The following DGKI variants were observed in gnomAD, a reference collection of about 807,000 sequenced individuals.
DGKI encodes DAG kinase iota.
A neutral mutation model predicts 147.5 loss-of-function variants in DGKI; 55 were observed. The observed-to-expected ratio is 0.37, with a 90% CI of 0.30 to 0.47. DGKI has a LOEUF of 0.47. Ranked by LOEUF, DGKI falls within the 20% of genes least tolerant of loss-of-function variation. The pLI is 1.00. For missense variants in DGKI, 1,007 were observed against 1,323.8 expected (o/e 0.76, Z 3.71); for synonymous variants, 469 against 477.1 (o/e 0.98, Z 0.22).
chr7:137,564,677 C>T (rs1348862455), intron 19 of DGKI, among the ~76,000 whole-genome samples: 1 of 152,200 alleles, frequency 6.6e-6, no homozygotes, highest in Non-Finnish European at 1.5e-5. Flanking sequence ...CTGTATAAAA[C>T]ATATATAATT....
intron 13 of DGKI, 78 bp downstream of exon 13, chr7:137,587,019 C>T (rs1237093880): frequency 9.3e-7 from 1 of 1,075,102 alleles, no homozygotes; most frequent in Non-Finnish European, 1.3e-6. Context: ...GTACCCCCCT[C>T]TTCCATTAGA....
intron 1 of DGKI, among the ~76,000 whole-genome samples, chr7:137,835,582 T>C (rs1798352886): frequency 6.6e-6 from 1 of 152,186 alleles, no homozygotes; most frequent in Non-Finnish European, 1.5e-5. Flanking sequence ...CTACCTGTTT[T>C]TTTTTCTTTT....
intron 20 of DGKI, among the ~76,000 whole-genome samples, chr7:137,525,470 A>T (rs1334860250): frequency 1.3e-5 from 2 of 152,294 alleles, no homozygotes; most frequent in Non-Finnish European, 2.9e-5. Flanking sequence ...ATCATTTGCA[A>T]CCCTGGTGTA....
intron 8 of DGKI, among the ~76,000 whole-genome samples, chr7:137,618,152 T>TATATATATATATATA (rs1554442534): frequency 1.4e-4 from 2 of 14,386 alleles, no homozygotes; most frequent in Non-Finnish European, 4.3e-4. Context: ...TATATATATA[T>TATATATATATATATA]TTTTTTTTTT....
chr7:137,396,787 C>T (rs1811570553), intron 31 of DGKI, among the ~76,000 whole-genome samples: 1 of 152,184 alleles, frequency 6.6e-6, no homozygotes, highest in Admixed American at 6.5e-5. Flanking sequence ...GTAGCTATTT[C>T]GCTACTTTAG....
intron 1 of DGKI, among the ~76,000 whole-genome samples, chr7:137,737,331 T>G (rs1350701330): frequency 4.6e-5 from 7 of 152,012 alleles, no homozygotes; most frequent in Admixed American, 4.6e-4. Flanking sequence ...AACAGCAAGT[T>G]TCCCTGGAAT....
At chr7:137,723,699 CTTTTTTTTTTTTT>C (rs769605042) in intron 1 of DGKI, among the ~76,000 whole-genome samples, 2 of 104,436 alleles carry the variant, frequency 1.9e-5, no homozygotes, top group Admixed American at 1.1e-4. Flanking sequence ...CATGATATCC[CTTTTTTTTTTTTT>C]TTTTTTTTTT....
intron 28 of DGKI, among the ~76,000 whole-genome samples, chr7:137,427,716 G>T (rs1812879201): frequency 6.6e-6 from 1 of 151,904 alleles, no homozygotes; most frequent in African/African-American, 2.4e-5. Flanking sequence ...TGATAAAGGG[G>T]ATATCACCAC....
Position 137,391,168 on chromosome 7 carries a change from G to A in DGKI, c.*52C>T. On this transcript the variant is annotated 3_prime_UTR_variant, in exon 33 of 33. Coordinates refer to ENST00000614521, the MANE Select transcript of DGKI (RefSeq NM_001321708.2). ...TTCCAGGGGAGCTGCCCAATTGCAG[G>A]GAGGGCAGATGTGATACGCTTGCTC... 1 of 1,337,840 alleles carries A rather than the reference G, an allele frequency of 7.5e-7. No individual in the cohort carries two copies. Among genetic ancestry groups the A allele is most frequent in the Non-Finnish European group, 1.1e-6 (1 of 929,412 alleles). 82.9% of individuals were successfully genotyped at this position (1,337,840 alleles called of 1,614,324 possible).
intron 17 of DGKI, among the ~76,000 whole-genome samples, chr7:137,573,779 T>C (rs1173170027): frequency 6.6e-6 from 1 of 152,240 alleles, no homozygotes; most frequent in Non-Finnish European, 1.5e-5. Context: ...TCAGCCTAGC[T>C]TGGCCTCAAC....
At chr7:137,649,068 G>T (rs1461819162) in intron 5 of DGKI, among the ~76,000 whole-genome samples, 1 of 151,998 alleles carries the variant, frequency 6.6e-6, no homozygotes, top group Non-Finnish European at 1.5e-5. Flanking sequence ...TTCTTTTTAG[G>T]CCCAATATAA....
intron 27 of DGKI, among the ~76,000 whole-genome samples, chr7:137,447,345 A>C (rs2059385): frequency 0.023 from 3,432 of 152,338 alleles, 107 homozygotes; most frequent in South Asian, 0.15. Flanking sequence ...GTGAAAAAGA[A>C]AAATATGTAA....
chr7:137,769,117 C>T (rs151248993), intron 1 of DGKI, among the ~76,000 whole-genome samples: 116 of 152,252 alleles, frequency 7.6e-4, no homozygotes, highest in African/African-American at 2.6e-3. Flanking sequence ...ATTCTGATTA[C>T]GGAGCCCTAC....
At chr7:137,592,992 G>A (rs1316932649) in intron 12 of DGKI, among the ~76,000 whole-genome samples, 1 of 152,192 alleles carries the variant, frequency 6.6e-6, no homozygotes, top group East Asian at 1.9e-4. Context: ...TAGGATGAGG[G>A]ATTGTCCCTA....
chr7:137,552,390 G>A lies in DGKI; in HGVS notation c.2126C>T (p.Thr709Ile), dbSNP rs1818076259. ...ANMVQKSKRR[T>I]SMPLLNDPQS... ...TCACTCATTGAGTAAAGGCATGGAT[G>A]TTCTCCTCTTGCTCTTCTGTACCAT... is the stretch of plus-strand genomic sequence containing the variant. The change falls in exon 20 of 33, where the codon ACA becomes ATA. Residue 709 changes from threonine (T) to isoleucine (I), a missense_variant. Thr to Ile is a moderately conservative substitution (Grantham distance 89, BLOSUM62 -1). This residue lies in a region of DGKI where 385 missense variants were observed against 445.2 expected (regional missense o/e 0.86). Coordinates refer to ENST00000614521, the MANE Select transcript of DGKI (RefSeq NM_001321708.2). The A allele has an allele frequency of 1.2e-6, 2 of 1,613,440 alleles. No homozygotes were observed. The highest frequency in any genetic ancestry group is 1.7e-6 in the Non-Finnish European group (2 of 1,180,034).
chr7:137,690,887 T>C (rs1823580039), intron 1 of DGKI, among the ~76,000 whole-genome samples: 1 of 152,166 alleles, frequency 6.6e-6, no homozygotes, highest in Non-Finnish European at 1.5e-5. Flanking sequence ...TAGGGAGATC[T>C]GTGGGATCAT....
intron 21 of DGKI, among the ~76,000 whole-genome samples, chr7:137,505,301 T>A (rs564625893): frequency 2.1e-4 from 32 of 152,260 alleles, no homozygotes; most frequent in Admixed American, 3.9e-4. Context: ...CTCTCCTACC[T>A]CTTGGAGAGA....
intron 17 of DGKI, 100 bp downstream of exon 17, chr7:137,577,122 A>G: frequency 1.2e-6 from 1 of 825,604 alleles, no homozygotes; most frequent in Admixed American, 2.2e-5. Flanking sequence ...CCAAAGTTCT[A>G]TGCAGTCCAG....
At chr7:137,615,210 C>A (rs1384226347) in intron 8 of DGKI, among the ~76,000 whole-genome samples, 2 of 152,068 alleles carry the variant, frequency 1.3e-5, no homozygotes, top group Non-Finnish European at 2.9e-5. Flanking sequence ...AAGATGCATA[C>A]TGACCAAAAA....
Sources: gnomAD v4.1 joint callset for allele counts (sites outside exome capture counted in the v4.1 genomes callset) on GRCh38, gnomAD v4.1.1 for gene constraint, gnomAD v4.1.1 regional missense constraint, MANE v1.5 for transcripts, NCBI Gene and HGNC (gene_info 2026-07-23, HGNC 2026-07-21) for gene names.